PPA1: variants seen among roughly 807,000 people sequenced by gnomAD.
PPA1 encodes inorganic pyrophosphatase 1, also known as inorganic pyrophosphatase.
A neutral mutation model predicts 41.8 loss-of-function variants in PPA1; 23 were observed. The observed-to-expected ratio is 0.55, with a 90% CI of 0.40 to 0.78. The LOEUF (loss-of-function observed/expected upper bound fraction) is 0.78, where lower values mean the gene tolerates loss of function less well. Ranked by LOEUF, PPA1 falls within the 30% of genes least tolerant of loss-of-function variation. PPA1 has a pLI of 0.00. For missense variants in PPA1, 320 were observed against 361.6 expected (o/e 0.89, Z 0.93); for synonymous variants, 101 against 116.8 (o/e 0.86, Z 0.87).
intron 2 of PPA1, among the ~76,000 whole-genome samples, chr10:70,220,438 GTA>G (rs988884839): frequency 5.4e-5 from 7 of 129,102 alleles, no homozygotes; most frequent in Admixed American, 2.9e-4. Context: ...GTGTGTATAT[GTA>G]TATATGTGTG....
intron 9 of PPA1, 100 bp from the exon 10 acceptor site, chr10:70,205,015 A>G: frequency 1.2e-6 from 1 of 819,696 alleles, no homozygotes; most frequent in South Asian, 1.7e-5. Context: ...AGACTATCCC[A>G]AATTTTAGGA....
In PPA1 at chr10:70,210,277, A is replaced by C. The variant is rs575742432; in HGVS notation, c.512-592T>G. On this transcript the variant is annotated intron_variant, in intron 6 of 10. Coordinates refer to ENST00000373232, the MANE Select transcript of PPA1 (RefSeq NM_021129.4). ...TTTTTTGTAGAAATGGGGTCTCGTC[A>C]TGTTGCCCAGGCTGGTCTCAAACTC... 41 of 781,636 alleles carry C rather than the reference A, an allele frequency of 5.2e-5. No homozygotes were observed. The East Asian group carries it at 6.9e-4, about 13-fold the overall frequency. 48.4% of individuals were successfully genotyped at this position (781,636 alleles called of 1,614,324 possible).
chr10:70,210,485 A>G (rs1840004957), intron 6 of PPA1: 3 of 1,326,164 alleles, frequency 2.3e-6, no homozygotes, highest in Non-Finnish European at 3.0e-6. Context: ...ATGTGACTAG[A>G]CTTTGCTGGA....
rs1840057470 is a variant in PPA1, at chr10:70,214,563, A to C, written c.321T>G (p.Asn107Lys). 8 of 1,613,604 alleles carry C rather than the reference A, an allele frequency of 5.0e-6. No individual in the cohort carries two copies. The highest frequency in any genetic ancestry group is 1.3e-5 in the African/African-American group (1 of 74,918). The change falls in exon 5 of 11, where the codon AAT becomes AAG. Residue 107 changes from asparagine to lysine, a missense_variant. Transcript: ENST00000373232. ...IPQTWEDPGHNDKHTGCCGDN... is the reference protein window; with the variant it reads ...IPQTWEDPGHKDKHTGCCGDN... ...CACCACAACAGCCAGTATGTTTATCATTGTGCCCTGGGTCTTCCCAAGTCT... is the reference window on the plus strand; with the variant it reads ...CACCACAACAGCCAGTATGTTTATCCTTGTGCCCTGGGTCTTCCCAAGTCT...
intron 8 of PPA1, 114 bp downstream of exon 8, chr10:70,209,091 G>A: frequency 1.4e-6 from 1 of 720,348 alleles, no homozygotes; most frequent in Non-Finnish European, 2.2e-6. Context: ...ACCGCACCCA[G>A]CCTTGTATCT....
chr10:70,222,382 A>G (rs1484594756), intron 2 of PPA1, among the ~76,000 whole-genome samples: 2 of 151,898 alleles, frequency 1.3e-5, no homozygotes, highest in African/African-American at 2.4e-5. Context: ...GCGAAAAACA[A>G]CAAGGAGTAC....
intron 2 of PPA1, among the ~76,000 whole-genome samples, chr10:70,222,335 CAAAAAA>C (rs67974203): frequency 1.4e-5 from 1 of 73,162 alleles, no homozygotes; most frequent in Non-Finnish European, 2.4e-5. Flanking sequence ...GACTCCGTCT[CAAAAAA>C]AAAAAAAAAA....
rs556731516 is a variant in PPA1, at chr10:70,217,763, T to C, written c.297+49A>G. On this transcript the variant is annotated intron_variant, in intron 4 of 10. Transcript: ENST00000373232. ...TTTTTTACTAATAGCAGTAAATTAA[T>C]ATTTAGTAAGCTAAAAAGTACATTG... The C allele has an allele frequency of 2.1e-6, 3 of 1,398,712 alleles. No individual in the cohort carries two copies. In the Admixed American group the frequency reaches 7.5e-5, roughly 35 times the overall value. The allele number at this position is 1,398,712 out of a possible 1,614,324, so 86.6% of individuals were successfully genotyped here. A position where few individuals can be genotyped will look rare whatever the true frequency, so the allele number is the denominator to read the frequency against.
intron 2 of PPA1, among the ~76,000 whole-genome samples, chr10:70,220,223 C>A (rs1260073975): frequency 6.6e-6 from 1 of 150,472 alleles, no homozygotes; most frequent in African/African-American, 2.4e-5. Context: ...AGCCACCGCA[C>A]CTGGCCTGCA....
intron 2 of PPA1, among the ~76,000 whole-genome samples, chr10:70,225,213 C>CTTATTTAT (rs138658555): frequency 1.1e-4 from 16 of 151,682 alleles, no homozygotes; most frequent in African/African-American, 3.9e-4. Flanking sequence ...TCCCACCACT[C>CTTATTTAT]TTATTTATTT....
chr10:70,205,623 G>T (rs1290581063), intron 9 of PPA1: 1 of 151,960 alleles, frequency 6.6e-6, no homozygotes, highest in Non-Finnish European at 1.5e-5. Context: ...AAAACTAAAT[G>T]TACTGGTTTC....
intron 6 of PPA1, among the ~76,000 whole-genome samples, chr10:70,211,936 T>C (rs1324656089): frequency 6.6e-6 from 1 of 152,222 alleles, no homozygotes; most frequent in East Asian, 1.9e-4. Context: ...CCTTCTTCAA[T>C]GAATTAACAC....
intron 2 of PPA1, among the ~76,000 whole-genome samples, chr10:70,229,332 T>C (rs1840263595): frequency 6.6e-6 from 1 of 152,234 alleles, no homozygotes; most frequent in Non-Finnish European, 1.5e-5. Context: ...GTTCTTGCTA[T>C]GTTGCCCAGT....
intron 2 of PPA1, among the ~76,000 whole-genome samples, chr10:70,227,822 G>A (rs571522598): frequency 2.6e-5 from 4 of 151,716 alleles, no homozygotes; most frequent in East Asian, 1.9e-4. Flanking sequence ...ATAATCCCTC[G>A]GATGACTGAC....
intron 7 of PPA1, 131 bp downstream of exon 7, chr10:70,209,427 A>C: frequency 7.6e-7 from 1 of 1,324,054 alleles, no homozygotes; most frequent in Non-Finnish European, 1.0e-6. Flanking sequence ...ATTAAAGTGA[A>C]TAAATAAACA....
At chr10:70,217,668 C>T in intron 4 of PPA1, 144 bp downstream of exon 4, 2 of 570,480 alleles carry the variant, frequency 3.5e-6, no homozygotes, top group East Asian at 6.3e-5. Context: ...AGGAAGCATT[C>T]TGAGTTAATT....
intron 2 of PPA1, among the ~76,000 whole-genome samples, chr10:70,224,131 C>T (rs1191713189): frequency 1.3e-5 from 2 of 151,532 alleles, no homozygotes; most frequent in African/African-American, 4.9e-5. Context: ...CTATTTCAGG[C>T]CAGGTATGGT....
intron 1 of PPA1, among the ~76,000 whole-genome samples, chr10:70,230,759 G>T (rs911237774): frequency 6.6e-6 from 1 of 152,142 alleles, no homozygotes; most frequent in Non-Finnish European, 1.5e-5. Context: ...GTGAGCCACC[G>T]CACCCTGCAC....
At chr10:70,233,204 C>T in intron 1 of PPA1, 60 bp downstream of exon 1, 1 of 1,504,286 alleles carries the variant, frequency 6.6e-7, no homozygotes, top group South Asian at 1.2e-5. Context: ...CCCGGGGAGG[C>T]AAGGCCCGGG....
Sources: allele counts gnomAD v4.1 joint callset (sites outside exome capture counted in the v4.1 genomes callset), GRCh38; gene constraint gnomAD v4.1.1; transcripts MANE v1.5; gene names NCBI Gene and HGNC (gene_info 2026-07-23, HGNC 2026-07-21).